The following SNX29 variants were observed in gnomAD, a reference collection of about 807,000 sequenced individuals.
SNX29 encodes the protein sorting nexin-29.
SNX29 carries 78 observed loss-of-function variants against 102.1 expected under a neutral mutation model. That is an observed-to-expected ratio of 0.76 (90% confidence interval 0.64 to 0.92). The LOEUF is 0.92. Ranked by LOEUF, SNX29 falls within the 40% of genes least tolerant of loss-of-function variation. The pLI is 0.00. For missense variants in SNX29, 1,280 were observed against 1,061.7 expected (o/e 1.21, Z -2.86); for synonymous variants, 580 against 414.5 (o/e 1.40, Z -4.85).
At chr16:12,422,983 G>A (rs11647957) in intron 18 of SNX29, among the ~76,000 whole-genome samples, 50,511 of 151,998 alleles carry the variant, frequency 0.33, 10,217 homozygotes, top group Non-Finnish European at 0.45. Flanking sequence ...GCCCCACCCT[G>A]TCTACTTCAT....
chr16:12,076,336 T>C (rs935911705), intron 10 of SNX29, among the ~76,000 whole-genome samples: 2 of 151,180 alleles, frequency 1.3e-5, no homozygotes, highest in East Asian at 1.9e-4. Context: ...AGTCTTACTC[T>C]GTCGCCCAGG....
intron 20 of SNX29, chr16:12,557,746 G>C (rs759810780): frequency 6.6e-6 from 1 of 152,184 alleles, no homozygotes; most frequent in Non-Finnish European, 1.5e-5. Flanking sequence ...GCACTGCATT[G>C]TGATGTCACT....
chr16:12,460,268 A>G (rs933891807), intron 18 of SNX29, among the ~76,000 whole-genome samples: 1 of 152,128 alleles, frequency 6.6e-6, no homozygotes, highest in African/African-American at 2.4e-5. Flanking sequence ...AGAGGGGGAA[A>G]CCCTAAAACT....
rs60734148 is a variant in SNX29, at chr16:12,259,505, C to T, written c.1679-18428C>T. Among the ~76,000 whole-genome samples, 1,263 of 152,244 alleles carry T rather than the reference C, an allele frequency of 8.3e-3. 19 individuals are homozygous for T. The highest frequency in any genetic ancestry group is 0.028 in the African/African-American group (1,162 of 41,538). ...AGCCCGCAGCCCCCACCTGGCTCCC[C>T]GCAGCTTTTATGAGAGCTGTGGCGC... On this transcript the variant is annotated intron_variant, in intron 14 of 20. Transcript: ENST00000566228.
intron 17 of SNX29, among the ~76,000 whole-genome samples, chr16:12,402,317 C>A (rs554926984): frequency 6.6e-6 from 1 of 152,324 alleles, no homozygotes; most frequent in East Asian, 1.9e-4. Flanking sequence ...GTTGTGAGAA[C>A]ATTGAGTCGT....
At chr16:12,064,496 G>A (rs1190832496) in intron 9 of SNX29, among the ~76,000 whole-genome samples, 3 of 152,240 alleles carry the variant, frequency 2.0e-5, no homozygotes, top group Non-Finnish European at 4.4e-5. Context: ...CTCTGGAGAT[G>A]ACGTGTGCCG....
chr16:12,168,835 A>G (rs2076077789), intron 13 of SNX29, among the ~76,000 whole-genome samples: 1 of 152,212 alleles, frequency 6.6e-6, no homozygotes, highest in Non-Finnish European at 1.5e-5. Flanking sequence ...AAGCTCTTAG[A>G]AGAGTGATGT....
At chr16:12,565,647 C>T (rs142952679) in intron 20 of SNX29, among the ~76,000 whole-genome samples, 1 of 152,348 alleles carries the variant, frequency 6.6e-6, no homozygotes, top group East Asian at 1.9e-4. Context: ...CACATATAGC[C>T]TCGTGACAGC....
intron 12 of SNX29, among the ~76,000 whole-genome samples, chr16:12,127,266 AAAAAT>A (rs1359861109): frequency 5.9e-5 from 9 of 151,942 alleles, no homozygotes; most frequent in Non-Finnish European, 1.0e-4. Context: ...CTCAAAAAAA[AAAAAT>A]AAAATAAAAT....
At position 12,574,229 on chromosome 16, in the gene SNX29, A is replaced by AG. The variant is rs2079245947; in HGVS notation, c.*5601dup. On this transcript the variant is annotated 3_prime_UTR_variant, in exon 21 of 21. Transcript: ENST00000566228. ...TGGAAATTTTGTTACAACCTGGTTGAGATCAACCTCTTTACAATGACACAA... is the reference window on the plus strand; with the variant it reads ...TGGAAATTTTGTTACAACCTGGTTGAGGATCAACCTCTTTACAATGACACAA... The AG allele has an allele frequency of 1.7e-5, 3 of 177,284 alleles. No homozygotes were observed. The Admixed American group carries it at 1.9e-4, about 11-fold the overall frequency. 11.0% of individuals were successfully genotyped at this position (177,284 alleles called of 1,614,324 possible). A position where few individuals can be genotyped will look rare whatever the true frequency, so the allele number is the denominator to read the frequency against.
At chr16:12,295,076 C>T (rs143806052) in intron 15 of SNX29, among the ~76,000 whole-genome samples, 51 of 152,310 alleles carry the variant, frequency 3.3e-4, no homozygotes, top group African/African-American at 1.2e-3. Flanking sequence ...ACCACAAGAA[C>T]AGTATGGGGG....
intron 19 of SNX29, among the ~76,000 whole-genome samples, chr16:12,484,116 C>T (rs990033489): frequency 1.3e-5 from 2 of 152,216 alleles, no homozygotes; most frequent in African/African-American, 4.8e-5. Context: ...CACCTGCTTC[C>T]TGCATCCCTG....
intron 20 of SNX29, among the ~76,000 whole-genome samples, chr16:12,562,717 G>T (rs936331709): frequency 3.3e-5 from 5 of 152,160 alleles, no homozygotes; most frequent in Admixed American, 2.6e-4. Context: ...AGCCTACCGT[G>T]GTACTGTTTC....
At chr16:12,170,880 C>T (rs1388077092) in intron 13 of SNX29, among the ~76,000 whole-genome samples, 1 of 151,764 alleles carries the variant, frequency 6.6e-6, no homozygotes, top group African/African-American at 2.4e-5. Flanking sequence ...GTGCTGTTTA[C>T]AGGGCCTCCG....
At chr16:12,222,688 C>T (rs1312572972) in intron 14 of SNX29, among the ~76,000 whole-genome samples, 1 of 152,196 alleles carries the variant, frequency 6.6e-6, no homozygotes, top group African/African-American at 2.4e-5. Flanking sequence ...TCTGCCTCAG[C>T]CTCTTGGGTA....
intron 14 of SNX29, among the ~76,000 whole-genome samples, chr16:12,201,003 A>G (rs1351502891): frequency 6.6e-6 from 1 of 152,206 alleles, no homozygotes; most frequent in Non-Finnish European, 1.5e-5. Context: ...CAGGATTAGA[A>G]TCTGGCTATG....
chr16:12,397,767 A>C (rs560891579), intron 16 of SNX29, among the ~76,000 whole-genome samples: 1 of 152,298 alleles, frequency 6.6e-6, no homozygotes, highest in Non-Finnish European at 1.5e-5. Context: ...TCAGTTTCCT[A>C]TCTGACAGGG....
intron 19 of SNX29, among the ~76,000 whole-genome samples, chr16:12,519,134 G>T (rs966925628): frequency 3.5e-4 from 53 of 152,160 alleles, no homozygotes; most frequent in African/African-American, 1.2e-3. Context: ...TTAAAGGGAA[G>T]CCAGAAATCT....
intron 18 of SNX29, among the ~76,000 whole-genome samples, chr16:12,465,628 C>G (rs1478724960): frequency 6.6e-6 from 1 of 152,142 alleles, no homozygotes; most frequent in Non-Finnish European, 1.5e-5. Context: ...AGTTTGAAAT[C>G]AGGGACTGTG....
Sources: gnomAD v4.1 joint callset for allele counts (sites outside exome capture counted in the v4.1 genomes callset) on GRCh38, gnomAD v4.1.1 for gene constraint, MANE v1.5 for transcripts, NCBI Gene and HGNC (gene_info 2026-07-23, HGNC 2026-07-21) for gene names.